The following TBC1D31 variants were observed in gnomAD, a reference collection of about 807,000 sequenced individuals.
TBC1D31 encodes the protein TBC1 domain family member 31, also known as WD repeat domain 67.
In TBC1D31, 99 loss-of-function variants were observed where a neutral mutation model predicts 132.9. That is an observed-to-expected ratio of 0.74 (90% CI 0.63 to 0.88). TBC1D31 has a LOEUF of 0.88. Ranked by LOEUF, TBC1D31 falls within the 40% of genes least tolerant of loss-of-function variation. The pLI, the probability that TBC1D31 is intolerant of heterozygous loss-of-function variation, is 0.00. For synonymous variants in TBC1D31, 385 were observed against 419.4 expected (o/e 0.92, Z 1.00); for missense variants, 1,134 against 1,256.6 (o/e 0.90, Z 1.48).
In TBC1D31 at chr8:123,105,080, T is replaced by G. The variant is rs145877822; in HGVS notation, c.1033-208T>G. On this transcript the variant is annotated intron_variant, in intron 7 of 21. Transcript: ENST00000287380. ...GCTATTGTTAATCATGTATCTTTATTATGTTCTTCAAAAGGATTCAGCAGA... is the reference window on the plus strand; with the variant it reads ...GCTATTGTTAATCATGTATCTTTATGATGTTCTTCAAAAGGATTCAGCAGA... Among the ~76,000 whole-genome samples, 1,267 of 152,316 alleles carry G rather than the reference T, an allele frequency of 8.3e-3. 8 individuals carry two copies. The highest frequency in any genetic ancestry group is 0.013 in the Non-Finnish European group (904 of 68,020).
intron 2 of TBC1D31, chr8:123,082,389 T>C: frequency 4.7e-6 from 1 of 214,744 alleles, no homozygotes; most frequent in Non-Finnish European, 9.2e-6. Flanking sequence ...TGGCTGAGAT[T>C]TTCTGTAGTA....
chr8:123,124,081 A>G (rs1481145425), intron 11 of TBC1D31, among the ~76,000 whole-genome samples: 3 of 151,636 alleles, frequency 2.0e-5, no homozygotes, highest in Non-Finnish European at 1.5e-5. Flanking sequence ...AAAAAAAAAA[A>G]AAGTTGCAAC....
At chr8:123,080,782 G>A (rs542851873) in intron 2 of TBC1D31, among the ~76,000 whole-genome samples, 21 of 152,134 alleles carry the variant, frequency 1.4e-4, no homozygotes, top group Non-Finnish European at 7.4e-5. Flanking sequence ...TGATCCGCCC[G>A]CCTAGGCCTC....
chr8:123,091,747 T>A (rs939068217), intron 4 of TBC1D31, among the ~76,000 whole-genome samples: 3 of 152,238 alleles, frequency 2.0e-5, no homozygotes, highest in Non-Finnish European at 2.9e-5. Flanking sequence ...CTGAAACTTT[T>A]ACGAGAAAAT....
At chr8:123,077,572 C>T (rs1401929588) in intron 2 of TBC1D31, among the ~76,000 whole-genome samples, 1 of 145,238 alleles carries the variant, frequency 6.9e-6, no homozygotes, top group South Asian at 2.1e-4. Flanking sequence ...TGTTCTGTCG[C>T]CCAGGCTGGA....
chr8:123,118,224 A>G (rs889420944), intron 10 of TBC1D31, among the ~76,000 whole-genome samples: 8 of 150,892 alleles, frequency 5.3e-5, no homozygotes, highest in African/African-American at 2.0e-4. Context: ...CAGTGGAAAA[A>G]CGGTAAAATC....
Position 123,115,135 on chromosome 8 carries a change from C to T in TBC1D31, c.1437-4920C>T, listed in dbSNP as rs569384414. On this transcript the variant is annotated intron_variant, in intron 10 of 21. Transcript: ENST00000287380. ...TACTAGGTCAAATCATTCATTTTTT[C>T]TTTCTCTCTCAGAAAATTCTGCCAA... Among the ~76,000 whole-genome samples, 9 of 152,166 alleles carry T rather than the reference C, an allele frequency of 5.9e-5. No homozygotes were observed. The East Asian group carries it at 1.7e-3, about 29-fold the overall frequency.
chr8:123,107,775 T>C (rs866001820), intron 8 of TBC1D31, among the ~76,000 whole-genome samples: 1 of 152,166 alleles, frequency 6.6e-6, no homozygotes, highest in Non-Finnish European at 1.5e-5. Flanking sequence ...AAGGAAACCA[T>C]AGCCAGTTCT....
chr8:123,131,598 T>C (rs1820636544), intron 16 of TBC1D31, among the ~76,000 whole-genome samples: 1 of 152,230 alleles, frequency 6.6e-6, no homozygotes, highest in Admixed American at 6.5e-5. Flanking sequence ...ATTGAATTAA[T>C]AGCTTATTTA....
At chr8:123,128,146 GA>G in intron 13 of TBC1D31, 134 bp from the exon 14 acceptor site, 1 of 474,966 alleles carries the variant, frequency 2.1e-6, no homozygotes, top group East Asian at 3.3e-5. Flanking sequence ...CTTGAGTAAA[GA>G]AAAGCTTTAA....
chr8:123,104,974 A>G (rs1156955158), intron 7 of TBC1D31, among the ~76,000 whole-genome samples: 1 of 152,174 alleles, frequency 6.6e-6, no homozygotes, highest in Non-Finnish European at 1.5e-5. Context: ...TAATCACCAT[A>G]CTAACTTTAC....
intron 17 of TBC1D31, among the ~76,000 whole-genome samples, chr8:123,140,456 TTCAGCCA>T (rs1322142406): frequency 2.6e-5 from 4 of 152,168 alleles, no homozygotes; most frequent in African/African-American, 9.7e-5. Context: ...CTTACCAAGA[TTCAGCCA>T]TTTTTATAAG....
the TBC1D31 span, among the ~76,000 whole-genome samples, chr8:123,162,865 C>T: frequency 2.0e-5 from 3 of 152,054 alleles, no homozygotes. Context: ...TGGCGTCTCA[C>T]TCTGTTGCCC....
chr8:123,127,705 A>C (rs2130790724), intron 13 of TBC1D31: 1 of 152,966 alleles, frequency 6.5e-6, no homozygotes, highest in South Asian at 2.1e-4. Context: ...GAGTTTTGAG[A>C]CTTGGCAGGA....
downstream of TBC1D31, among the ~76,000 whole-genome samples, chr8:123,153,313 T>C (rs1021473824): frequency 2.0e-5 from 3 of 152,212 alleles, no homozygotes; most frequent in Non-Finnish European, 4.4e-5. Flanking sequence ...TTTTTACCTC[T>C]ATTTCAGGTC....
the TBC1D31 span, among the ~76,000 whole-genome samples, chr8:123,164,096 T>G: frequency 6.6e-6 from 1 of 152,354 alleles, no homozygotes; most frequent in East Asian, 1.9e-4. Context: ...CAGCTTCAGG[T>G]AAGCACGTCT....
chr8:123,119,501 A>G (rs1452734803), intron 10 of TBC1D31, among the ~76,000 whole-genome samples: 1 of 152,202 alleles, frequency 6.6e-6, no homozygotes, highest in Non-Finnish European at 1.5e-5. Context: ...GCTTGAGCCC[A>G]GGAGTTTGAG....
rs1036311631 is a variant in TBC1D31 at position 123,077,124 on chromosome 8, A to G, written c.91A>G (p.Ile31Val). 3.7e-6 allele frequency: 6 copies of G among 1,606,346 alleles called. No homozygotes were observed. Among genetic ancestry groups the G allele is most frequent in the Admixed American group, 3.4e-5 (2 of 58,080 alleles). ...TTTCTTTGACAGAATTATAGTGAAC[A>G]TTATTCACAACACTTCCGATTACCA... is the stretch of plus-strand genomic sequence containing the variant. ...PATRDGIIVNIIHNTSDYHPK... is the reference protein window; with the variant it reads ...PATRDGIIVNVIHNTSDYHPK... Residue 31 changes from isoleucine to valine, a missense_variant, in exon 2 of 22, where the codon ATT (isoleucine) becomes GTT (valine). By Grantham distance (29) the Ile-to-Val change is conservative. Coordinates refer to ENST00000287380, the MANE Select transcript of TBC1D31 (RefSeq NM_145647.4).
chr8:123,130,457 T>C, intron 16 of TBC1D31, 124 bp downstream of exon 16: 1 of 819,910 alleles, frequency 1.2e-6, no homozygotes, highest in Non-Finnish European at 1.7e-6. Context: ...GCCGCTTTAA[T>C]TTTATTTACT....
Sources: allele counts gnomAD v4.1 joint callset (sites outside exome capture counted in the v4.1 genomes callset), GRCh38; gene constraint gnomAD v4.1.1; transcripts MANE v1.5; gene names NCBI Gene and HGNC (gene_info 2026-07-23, HGNC 2026-07-21).